NRCAM: variants seen among roughly 807,000 people sequenced by gnomAD.
The protein encoded by NRCAM is NgCAM-related cell adhesion molecule.
A neutral mutation model predicts 156.5 loss-of-function variants in NRCAM; 83 were observed. The observed-to-expected ratio is 0.53, with a 90% CI of 0.44 to 0.64. NRCAM has a LOEUF of 0.64. Ranked by LOEUF, NRCAM falls within the 30% of genes least tolerant of loss-of-function variation. NRCAM has a pLI of 0.00. For synonymous variants in NRCAM, 538 were observed against 563.9 expected (o/e 0.95, Z 0.65); for missense variants, 1,417 against 1,597.3 (o/e 0.89, Z 1.92).
chr7:108,221,671 A>G (rs1438122204), intron 11 of NRCAM, among the ~76,000 whole-genome samples: 2 of 152,190 alleles, frequency 1.3e-5, no homozygotes, highest in African/African-American at 4.8e-5. Context: ...AGGCATAAGA[A>G]TAACACAATG....
At chr7:108,423,852 G>A (rs1179889298) in intron 1 of NRCAM, among the ~76,000 whole-genome samples, 1 of 152,200 alleles carries the variant, frequency 6.6e-6, no homozygotes, top group Non-Finnish European at 1.5e-5. Context: ...TAGCTACAGG[G>A]AAGCCACATA....
chr7:108,284,601 C>G (rs2098006227), intron 3 of NRCAM, among the ~76,000 whole-genome samples: 1 of 152,190 alleles, frequency 6.6e-6, no homozygotes, highest in South Asian at 2.1e-4. Flanking sequence ...CACCCCTCCC[C>G]TTCTCATTCT....
At chr7:108,164,922 C>T (rs531314452) in intron 30 of NRCAM, among the ~76,000 whole-genome samples, 16 of 152,308 alleles carry the variant, frequency 1.1e-4, no homozygotes, top group African/African-American at 3.4e-4. Context: ...GTAGGCATTA[C>T]ACTGCTGAGT....
At chr7:108,152,558 G>GGT (rs1218072865) in intron 32 of NRCAM, among the ~76,000 whole-genome samples, 1 of 151,932 alleles carries the variant, frequency 6.6e-6, no homozygotes, top group East Asian at 1.9e-4. Context: ...AAGAATAAGT[G>GGT]ACATGCTCTG....
intron 1 of NRCAM, among the ~76,000 whole-genome samples, chr7:108,431,311 A>G (rs898574015): frequency 1.3e-5 from 2 of 152,162 alleles, no homozygotes; most frequent in Admixed American, 1.3e-4. Context: ...GGGTCTGGTC[A>G]TGCTGCCAAC....
chr7:108,381,539 G>A (rs2099700902), intron 2 of NRCAM, among the ~76,000 whole-genome samples: 1 of 151,088 alleles, frequency 6.6e-6, no homozygotes, highest in Admixed American at 6.6e-5. Flanking sequence ...TCTTAACATT[G>A]GCTTTGACCA....
rs1275439295 is a variant in NRCAM at position 108,177,975 on chromosome 7, C to T, written c.2974+15G>A. 3 of 1,581,962 alleles carry T rather than the reference C, an allele frequency of 1.9e-6. No individual in the cohort carries two copies. The highest frequency in any genetic ancestry group is 1.7e-6 in the Non-Finnish European group (2 of 1,166,570). On this transcript the variant is annotated intron_variant, in intron 26 of 32. Coordinates refer to ENST00000379028, the MANE Select transcript of NRCAM (RefSeq NM_001037132.4). ...AAAAAACATATTTCCCCTTCTCTTC[C>T]TCCCAACAGCTTACTTGGCTGATAC... is the stretch of plus-strand genomic sequence containing the variant.
At chr7:108,201,189 A>AAG (rs1554553679) in intron 13 of NRCAM, among the ~76,000 whole-genome samples, 2 of 151,860 alleles carry the variant, frequency 1.3e-5, no homozygotes, top group African/African-American at 4.8e-5. Context: ...AAAAAAAAAA[A>AAG]AAAGAAAAAG....
chr7:108,388,350 A>C (rs1470048737), intron 2 of NRCAM, among the ~76,000 whole-genome samples: 1 of 152,164 alleles, frequency 6.6e-6, no homozygotes, highest in Non-Finnish European at 1.5e-5. Flanking sequence ...GGCTGCAAAA[A>C]TGTCTTCTTT....
In NRCAM at chr7:108,234,547, T is replaced by C. The variant is rs1457287026; in HGVS notation, c.230+36A>G. On this transcript the variant is annotated intron_variant, in intron 6 of 32. Transcript: ENST00000379028. Reference sequence around the variant, plus strand: ...CTATTCAGAGAGATTTCCTGATTTATTCTCAGTACTATAACAAAGCAGAAT... The same window carrying C: ...CTATTCAGAGAGATTTCCTGATTTACTCTCAGTACTATAACAAAGCAGAAT... The C allele has an allele frequency of 3.3e-6, 4 of 1,212,752 alleles. No homozygotes were observed. The African/African-American group carries it at 4.5e-5, about 14-fold the overall frequency. 75.1% of individuals were successfully genotyped at this position (1,212,752 alleles called of 1,614,324 possible). A position where few individuals can be genotyped will look rare whatever the true frequency, so the allele number is the denominator to read the frequency against.
chr7:108,308,252 T>C (rs2098747845), intron 3 of NRCAM, among the ~76,000 whole-genome samples: 1 of 152,370 alleles, frequency 6.6e-6, no homozygotes, highest in South Asian at 2.1e-4. Context: ...CTGGTCATTT[T>C]GGTGAACCTC....
At chr7:108,251,960 C>T (rs573222366) in intron 3 of NRCAM, among the ~76,000 whole-genome samples, 1 of 152,120 alleles carries the variant, frequency 6.6e-6, no homozygotes, top group East Asian at 1.9e-4. Flanking sequence ...TAAAAACAAA[C>T]CAGAAAACAG....
Position 108,370,875 on chromosome 7 carries a change from G to C in NRCAM, c.-174+28561C>G, listed in dbSNP as rs10273259. On this transcript the variant is annotated intron_variant, in intron 2 of 32. Coordinates refer to ENST00000379028, the MANE Select transcript of NRCAM (RefSeq NM_001037132.4). ...CACCTTACAGAATTCATATATACTT[G>C]CCGTCATATTAATAATATTTCTCCA... Among the ~76,000 whole-genome samples the C allele has an allele frequency of 6.7e-3, 901 of 134,468 alleles. 14 individuals carry two copies. Among genetic ancestry groups the C allele is most frequent in the African/African-American group, 0.021 (853 of 39,860 alleles). The allele number at this position is 134,468 out of a possible 152,430, so 88.2% of individuals were successfully genotyped here.
At chr7:108,249,889 T>C (rs1031826862) in intron 3 of NRCAM, among the ~76,000 whole-genome samples, 5 of 152,196 alleles carry the variant, frequency 3.3e-5, no homozygotes, top group Non-Finnish European at 7.3e-5. Context: ...TTAAAAGAAA[T>C]GTCAATTCAA....
At chr7:108,333,775 A>G (rs1287260543) in intron 2 of NRCAM, among the ~76,000 whole-genome samples, 8 of 152,218 alleles carry the variant, frequency 5.3e-5, no homozygotes, top group Admixed American at 5.2e-4. Context: ...AGTTCCTAAA[A>G]GATCAATGCA....
chr7:108,151,231 A>T (rs10237819), intron 32 of NRCAM, among the ~76,000 whole-genome samples: 1 of 150,382 alleles, frequency 6.6e-6, no homozygotes, highest in African/African-American at 2.5e-5. Context: ...AAATAGAAAA[A>T]GGCAATGACA....
At chr7:108,422,457 T>C (rs1811258644) in intron 1 of NRCAM, among the ~76,000 whole-genome samples, 1 of 152,176 alleles carries the variant, frequency 6.6e-6, no homozygotes, top group Non-Finnish European at 1.5e-5. Flanking sequence ...TCACTTACTG[T>C]ATCCCTTTGG....
chr7:108,307,577 C>T (rs1392570373), intron 3 of NRCAM, among the ~76,000 whole-genome samples: 1 of 152,018 alleles, frequency 6.6e-6, no homozygotes, highest in African/African-American at 2.4e-5. Flanking sequence ...GTAGAAATGC[C>T]TTCTGCAGAT....
intron 1 of NRCAM, among the ~76,000 whole-genome samples, chr7:108,447,365 C>T (rs1236436256): frequency 6.7e-6 from 1 of 149,030 alleles, no homozygotes; most frequent in African/African-American, 2.5e-5. Flanking sequence ...TCCTGGGTTC[C>T]AGTGATTCTC....
Sources: allele counts gnomAD v4.1 joint callset (sites outside exome capture counted in the v4.1 genomes callset), GRCh38; gene constraint gnomAD v4.1.1; transcripts MANE v1.5; gene names NCBI Gene and HGNC (gene_info 2026-07-23, HGNC 2026-07-21).